Variants in ZNF529 observed in about 807,000 individuals in gnomAD.
The protein encoded by ZNF529 is zinc finger protein 529.
Under a neutral mutation model 10.1 loss-of-function variants are expected in ZNF529, and 11 were observed. That is an observed-to-expected ratio of 1.09 (90% confidence interval 0.69 to 1.81). ZNF529 has a LOEUF of 1.81. Among genes scored for constraint, ZNF529 ranks in the 40% most tolerant of loss-of-function variants. The probability of loss-of-function intolerance (pLI) is 0.00; values close to 1 mark genes in which losing one functional copy is unlikely to be tolerated. For missense variants in ZNF529, 624 were observed against 666.8 expected (o/e 0.94, Z 0.71); for synonymous variants, 204 against 215.7 (o/e 0.95, Z 0.47).
intron 3 of ZNF529, 44 bp from the exon 4 acceptor site, chr19:36,554,840 T>A: frequency 1.4e-6 from 2 of 1,468,836 alleles, no homozygotes; most frequent in Admixed American, 2.3e-5. Context: ...TTTAAGGAAA[T>A]ATTTTTGAGA....
intron 2 of ZNF529, among the ~76,000 whole-genome samples, chr19:36,569,929 T>G (rs1363721276): frequency 6.6e-6 from 1 of 152,216 alleles, no homozygotes; most frequent in Admixed American, 6.5e-5. Context: ...TCTGAGGTCT[T>G]AGCCATGCCA....
At chr19:36,585,010 G>C (rs1177261210) in intron 2 of ZNF529, among the ~76,000 whole-genome samples, 1 of 152,158 alleles carries the variant, frequency 6.6e-6, no homozygotes. Context: ...TGATTAAACA[G>C]AAAGTGGGGA....
chr19:36,572,632 C>T (rs2194976), intron 1 of ZNF529, among the ~76,000 whole-genome samples: 105,403 of 152,102 alleles, frequency 0.69, 36,948 homozygotes, highest in African/African-American at 0.79. Flanking sequence ...GGCCTCCAAA[C>T]TCATGCAAGG....
At position 36,572,860 on chromosome 19, in the gene ZNF529, A is replaced by G. The variant is rs529556482; in HGVS notation, c.-47+280T>C. On this transcript the variant is annotated intron_variant, in intron 1 of 4. Transcript: ENST00000591340. ...CATCACAGACATCACAGAGTCGGAA[A>G]AATGACGCTTTACCCAAAACAAACT... Among the ~76,000 whole-genome samples, 5 of 152,240 alleles carry G rather than the reference A, an allele frequency of 3.3e-5. No homozygotes were observed. In the South Asian group the frequency reaches 1.0e-3, roughly 32 times the overall value.
rs182518336 is a variant in ZNF529, at chr19:36,584,826, A to G, written c.-41+4789T>C. On this transcript the variant is annotated intron_variant, in intron 2 of 4. Coordinates refer to the ZNF529 transcript ENST00000585960. ...ATTCTAAGGTCTTTTTTATTGCTCAAGAAGGAGATACCAATTAGTCATTAA... is the reference window on the plus strand; with the variant it reads ...ATTCTAAGGTCTTTTTTATTGCTCAGGAAGGAGATACCAATTAGTCATTAA... Among the ~76,000 whole-genome samples the G allele has an allele frequency of 2.2e-4, 34 of 152,256 alleles. No individual in the cohort carries two copies. In the East Asian group the frequency reaches 5.8e-3, roughly 26 times the overall value.
rs190708523 is a variant in ZNF529, at chr19:36,544,555, A to G, written c.*2311T>C. On this transcript the variant is annotated 3_prime_UTR_variant, in exon 5 of 5. Coordinates refer to ENST00000591340, the MANE Select transcript of ZNF529 (RefSeq NM_020951.5). ...TAGCACTGATGGTAACTCAGGATAA[A>G]AAGGGAGAATGAGATCCAAGAGTAA... 1 of 152,330 alleles carries G rather than the reference A, an allele frequency of 6.6e-6. No individual in the cohort carries two copies. The highest frequency in any genetic ancestry group is 1.9e-4 in the East Asian group (1 of 5,186). 9.4% of individuals were successfully genotyped at this position (152,330 alleles called of 1,614,324 possible).
At chr19:36,586,097 A>G (rs956508032) in intron 2 of ZNF529, among the ~76,000 whole-genome samples, 9 of 152,226 alleles carry the variant, frequency 5.9e-5, no homozygotes, top group African/African-American at 2.2e-4. Flanking sequence ...TATGCTGTTT[A>G]TTACATTTTA....
At position 36,567,917 on chromosome 19, in the gene ZNF529, C is replaced by T. The variant is rs34106502; in HGVS notation, c.14+4416G>A. Among the ~76,000 whole-genome samples, 853 of 152,286 alleles carry T rather than the reference C, an allele frequency of 5.6e-3. 26 individuals are homozygous for T. Among genetic ancestry groups the T allele is most frequent in the Admixed American group, 0.038 (578 of 15,296 alleles). ...AAAAATATCTGCAAATCATATATCT[C>T]ATGAGCATTTAACATCCAGAATATA... is the stretch of plus-strand genomic sequence containing the variant. On this transcript the variant is annotated intron_variant, in intron 2 of 4. Coordinates refer to ENST00000591340, the MANE Select transcript of ZNF529 (RefSeq NM_020951.5).
chr19:36,571,233 A>G (rs1192177885), intron 2 of ZNF529, among the ~76,000 whole-genome samples: 1 of 152,220 alleles, frequency 6.6e-6, no homozygotes, highest in Non-Finnish European at 1.5e-5. Context: ...TAAAACATAT[A>G]CCAGATTTTG....
intron 4 of ZNF529, among the ~76,000 whole-genome samples, chr19:36,551,454 T>C (rs1215589766): frequency 6.6e-6 from 1 of 152,076 alleles, no homozygotes; most frequent in South Asian, 2.1e-4. Context: ...AAAATCAGAC[T>C]CTGGTGGGCT....
At chr19:36,566,046 G>C (rs1021401511) in intron 2 of ZNF529, among the ~76,000 whole-genome samples, 1 of 152,158 alleles carries the variant, frequency 6.6e-6, no homozygotes, top group Non-Finnish European at 1.5e-5. Context: ...GTAGTGTCTG[G>C]AATGTTTAAA....
chr19:36,579,351 C>T (rs372363368), intron 2 of ZNF529, among the ~76,000 whole-genome samples: 27 of 152,086 alleles, frequency 1.8e-4, no homozygotes, highest in East Asian at 9.6e-4. Flanking sequence ...GTGTATATGG[C>T]AGGAGATAGG....
chr19:36,566,770 A>G (rs1423372364), intron 2 of ZNF529, among the ~76,000 whole-genome samples: 2 of 152,124 alleles, frequency 1.3e-5, no homozygotes, highest in African/African-American at 4.8e-5. Context: ...CTGTAATCCC[A>G]GCACTTTGGG....
chr19:36,575,829 ATG>A (rs991968449), upstream of ZNF529, among the ~76,000 whole-genome samples: 18 of 151,556 alleles, frequency 1.2e-4, no homozygotes, highest in East Asian at 9.7e-4. Flanking sequence ...GAGGTTTCAC[ATG>A]TGTTTTTTTT....
At chr19:36,574,422 G>A (rs1201025745), upstream of ZNF529, among the ~76,000 whole-genome samples, 1 of 152,136 alleles carries the variant, frequency 6.6e-6, no homozygotes, top group Non-Finnish European at 1.5e-5. Context: ...ATTCCAAAAT[G>A]GAGGAGGGTA....
chr19:36,559,007 T>TGGTCAACAGGTATATAAAA (rs1173403890), intron 2 of ZNF529, among the ~76,000 whole-genome samples: 4 of 150,234 alleles, frequency 2.7e-5, no homozygotes, highest in South Asian at 4.2e-4. Flanking sequence ...GATATACAAA[T>TGGTCAACAGGTATATAAAA]GGTCAACAGG....
chr19:36,596,258 G>A (rs537445181), intron 1 of ZNF529, among the ~76,000 whole-genome samples: 11 of 151,614 alleles, frequency 7.3e-5, no homozygotes, highest in Non-Finnish European at 1.5e-4. Flanking sequence ...ATTTTTAGTA[G>A]AGACAGGGTT....
At chr19:36,604,473 A>T (rs374595714) in intron 1 of ZNF529, among the ~76,000 whole-genome samples, 2 of 152,208 alleles carry the variant, frequency 1.3e-5, no homozygotes, top group Non-Finnish European at 2.9e-5. Context: ...AAGAAATCCC[A>T]GTATAACAAA....
At chr19:36,585,559 CAA>C (rs1490160953) in intron 2 of ZNF529, among the ~76,000 whole-genome samples, 5 of 152,220 alleles carry the variant, frequency 3.3e-5, no homozygotes, top group African/African-American at 9.7e-5. Context: ...TGAAATGAGA[CAA>C]AGTATATTCA....
Sources: gnomAD v4.1 joint callset for allele counts (sites outside exome capture counted in the v4.1 genomes callset) on GRCh38, gnomAD v4.1.1 for gene constraint, MANE v1.5 for transcripts, NCBI Gene and HGNC (gene_info 2026-07-23, HGNC 2026-07-21) for gene names.